SNX18: variants seen among roughly 807,000 people sequenced by gnomAD.
SNX18 encodes the protein sorting nexin-18.
In SNX18, 35 loss-of-function variants were observed where a neutral mutation model predicts 48.7. The observed-to-expected ratio is 0.72, with a 90% CI of 0.55 to 0.95. The LOEUF (loss-of-function observed/expected upper bound fraction) is 0.95. SNX18 is among the 40% of genes least tolerant of loss of function. The probability of loss-of-function intolerance (pLI) is 0.00; values close to 1 mark genes in which losing one functional copy is unlikely to be tolerated. For synonymous variants in SNX18, 492 were observed against 384.7 expected, an observed-to-expected ratio of 1.28 and a Z score of -3.26; for missense variants, 824 against 871.0, an observed-to-expected ratio of 0.95 and a Z score of 0.68.
chr5:54,570,719 C>A, the SNX18 span, among the ~76,000 whole-genome samples: 10 of 152,108 alleles, frequency 6.6e-5, no homozygotes, highest in East Asian at 1.3e-3. Flanking sequence ...AAGACTGATC[C>A]CCTATAGCTC....
chr5:54,604,205 A>G, the SNX18 span, among the ~76,000 whole-genome samples: 1 of 152,336 alleles, frequency 6.6e-6, no homozygotes, highest in East Asian at 1.9e-4. Context: ...GATCCAGCTG[A>G]CAGTGTGGTG....
the SNX18 span, among the ~76,000 whole-genome samples, chr5:54,591,231 G>T: frequency 6.6e-6 from 1 of 151,980 alleles, no homozygotes; most frequent in South Asian, 2.1e-4. Context: ...CCAGGCTAGA[G>T]TGCAGTGGTG....
At chr5:54,584,213 G>T in the SNX18 span, among the ~76,000 whole-genome samples, 1 of 151,912 alleles carries the variant, frequency 6.6e-6, no homozygotes, top group Non-Finnish European at 1.5e-5. Context: ...AGCACATCTG[G>T]TTAATTTTTT....
At chr5:54,607,791 G>A in the SNX18 span, among the ~76,000 whole-genome samples, 28 of 152,124 alleles carry the variant, frequency 1.8e-4, no homozygotes, top group East Asian at 3.3e-3. Context: ...AAAATTAACC[G>A]GGCGTGGTGG....
At chr5:54,549,858 T>G (rs1376131448), downstream of SNX18, among the ~76,000 whole-genome samples, 1 of 152,220 alleles carries the variant, frequency 6.6e-6, no homozygotes, top group East Asian at 1.9e-4. Flanking sequence ...TCTGAGTGGC[T>G]TTTGGGGCAG....
At chr5:54,646,998 T>G in the SNX18 span, among the ~76,000 whole-genome samples, 3 of 152,146 alleles carry the variant, frequency 2.0e-5, no homozygotes, top group Non-Finnish European at 1.5e-5. Context: ...CTGTAACAAG[T>G]GTCTCAAGAG....
the SNX18 span, among the ~76,000 whole-genome samples, chr5:54,608,337 C>T: frequency 6.6e-6 from 1 of 152,030 alleles, no homozygotes; most frequent in Non-Finnish European, 1.5e-5. Context: ...CTCTTCATGT[C>T]TTTTGCCCAT....
At chr5:54,608,397 T>A in the SNX18 span, among the ~76,000 whole-genome samples, 2 of 152,234 alleles carry the variant, frequency 1.3e-5, no homozygotes, top group South Asian at 2.1e-4. Context: ...GTATTATTTT[T>A]AAAGTTTTCT....
chr5:54,622,293 G>C, the SNX18 span, among the ~76,000 whole-genome samples: 1 of 152,190 alleles, frequency 6.6e-6, no homozygotes, highest in African/African-American at 2.4e-5. Flanking sequence ...GAGCCCAGGA[G>C]TTCGAGACCA....
At chr5:54,611,867 T>G in the SNX18 span, among the ~76,000 whole-genome samples, 1 of 124,604 alleles carries the variant, frequency 8.0e-6, no homozygotes, top group Admixed American at 7.7e-5. Flanking sequence ...AATTTTCTTC[T>G]TCTTCTTCTT....
At chr5:54,597,321 A>C in the SNX18 span, among the ~76,000 whole-genome samples, 1 of 152,186 alleles carries the variant, frequency 6.6e-6, no homozygotes, top group African/African-American at 2.4e-5. Flanking sequence ...TCAATATTAG[A>C]TAGAACATCG....
chr5:54,581,749 A>G, the SNX18 span, among the ~76,000 whole-genome samples: 1 of 152,212 alleles, frequency 6.6e-6, no homozygotes, highest in Non-Finnish European at 1.5e-5. Flanking sequence ...GCCTCCCTCA[A>G]ATCATCCTCT....
At chr5:54,526,170 T>C (rs1762128045) in intron 1 of SNX18, among the ~76,000 whole-genome samples, 1 of 152,332 alleles carries the variant, frequency 6.6e-6, no homozygotes, top group South Asian at 2.1e-4. Flanking sequence ...AGTGATGCGA[T>C]CTCGGCTCAC....
chr5:54,636,661 A>G, the SNX18 span, among the ~76,000 whole-genome samples: 1 of 152,212 alleles, frequency 6.6e-6, no homozygotes, highest in Non-Finnish European at 1.5e-5. Context: ...TGAGTAAGGA[A>G]AAAAGAAAAC....
chr5:54,551,208 A>G (rs376468165), downstream of SNX18, among the ~76,000 whole-genome samples: 2 of 152,190 alleles, frequency 1.3e-5, no homozygotes, highest in African/African-American at 4.8e-5. Flanking sequence ...CAGTGGACTC[A>G]ATGATCAAGT....
intron 1 of SNX18, among the ~76,000 whole-genome samples, chr5:54,536,473 C>T (rs1034338843): frequency 6.7e-6 from 1 of 149,896 alleles, no homozygotes; most frequent in Non-Finnish European, 1.5e-5. Flanking sequence ...AGTGAGAACA[C>T]GCAGTGTTTG....
At chr5:54,580,085 ATG>A in the SNX18 span, among the ~76,000 whole-genome samples, 30 of 151,470 alleles carry the variant, frequency 2.0e-4, no homozygotes, top group African/African-American at 7.3e-4. Context: ...GTGTGTGTGC[ATG>A]TGTGTGTGTG....
At chr5:54,560,928 TTGAG>T in the SNX18 span, among the ~76,000 whole-genome samples, 1 of 152,196 alleles carries the variant, frequency 6.6e-6, no homozygotes, top group Admixed American at 6.5e-5. Flanking sequence ...AGGCTGGTAA[TTGAG>T]TAGCCACCAC....
chr5:54,603,161 A>AGT, the SNX18 span, among the ~76,000 whole-genome samples: 3 of 145,526 alleles, frequency 2.1e-5, no homozygotes, highest in Non-Finnish European at 4.5e-5. Flanking sequence ...TAGGGTTGTA[A>AGT]ATATATTATT....
Sources: gnomAD v4.1 joint callset for allele counts (sites outside exome capture counted in the v4.1 genomes callset) on GRCh38, gnomAD v4.1.1 for gene constraint, MANE v1.5 for transcripts, NCBI Gene and HGNC (gene_info 2026-07-23, HGNC 2026-07-21) for gene names.